The following DGKI variants were observed in gnomAD, a reference collection of about 807,000 sequenced individuals.
DGKI encodes the protein diacylglycerol kinase iota.
In DGKI, 55 loss-of-function variants were observed where a neutral mutation model predicts 147.5. That is an observed-to-expected ratio of 0.37 (90% confidence interval 0.30 to 0.47). DGKI has a LOEUF of 0.47. DGKI is among the 20% of genes least tolerant of loss of function. The pLI is 1.00. For missense variants in DGKI, 1,007 were observed against 1,323.8 expected (o/e 0.76, Z 3.71); for synonymous variants, 469 against 477.1 (o/e 0.98, Z 0.22).
chr7:137,782,416 C>G (rs1796546369), intron 1 of DGKI, among the ~76,000 whole-genome samples: 1 of 152,092 alleles, frequency 6.6e-6, no homozygotes, highest in Non-Finnish European at 1.5e-5. Flanking sequence ...GGAACCACAC[C>G]CCCATCCCCC....
chr7:137,616,674 A>G (rs1160761545), intron 8 of DGKI, among the ~76,000 whole-genome samples: 1 of 152,170 alleles, frequency 6.6e-6, no homozygotes, highest in African/African-American at 2.4e-5. Context: ...TAGGAAGAAG[A>G]ATGATGACAA....
chr7:137,686,608 A>G (rs955631972), intron 2 of DGKI, among the ~76,000 whole-genome samples: 33 of 152,328 alleles, frequency 2.2e-4, no homozygotes, highest in Admixed American at 2.0e-3. Flanking sequence ...ATATATCACA[A>G]ACAAGGAAAT....
At chr7:137,640,015 T>C (rs991448598) in intron 6 of DGKI, among the ~76,000 whole-genome samples, 2 of 152,010 alleles carry the variant, frequency 1.3e-5, no homozygotes, top group Non-Finnish European at 2.9e-5. Context: ...GGTTTTTTTT[T>C]TTTTGGTGGT....
chr7:137,809,869 A>C (rs1797505733), intron 1 of DGKI, among the ~76,000 whole-genome samples: 1 of 151,832 alleles, frequency 6.6e-6, no homozygotes. Flanking sequence ...GCACCACTGC[A>C]CTCTAGCCTG....
At chr7:137,661,682 G>A (rs1822439680) in intron 3 of DGKI, among the ~76,000 whole-genome samples, 1 of 152,088 alleles carries the variant, frequency 6.6e-6, no homozygotes, top group Admixed American at 6.5e-5. Flanking sequence ...TGCAAGAGAG[G>A]CCAGGAGAGT....
chr7:137,737,208 A>G (rs1400002794), intron 1 of DGKI, among the ~76,000 whole-genome samples: 1 of 140,760 alleles, frequency 7.1e-6, no homozygotes. Flanking sequence ...TTTCACCAAA[A>G]AAAAAAAAAA....
At chr7:137,512,281 T>C (rs892306569) in intron 21 of DGKI, among the ~76,000 whole-genome samples, 3 of 152,214 alleles carry the variant, frequency 2.0e-5, no homozygotes, top group African/African-American at 4.8e-5. Flanking sequence ...TAATGATGCA[T>C]GTGGCCAGTG....
chr7:137,546,826 C>T (rs1817883782), intron 20 of DGKI, among the ~76,000 whole-genome samples: 1 of 152,164 alleles, frequency 6.6e-6, no homozygotes, highest in Admixed American at 6.5e-5. Flanking sequence ...GCAAAGTCAC[C>T]CATGAGGTAA....
chr7:137,477,075 C>A (rs1416615696), intron 23 of DGKI, among the ~76,000 whole-genome samples: 1 of 152,170 alleles, frequency 6.6e-6, no homozygotes, highest in Non-Finnish European at 1.5e-5. Flanking sequence ...AGATGTCAAA[C>A]TAAGCTTCCT....
chr7:137,609,616 GGAGA>G lies in DGKI; in HGVS notation c.994-11_994-8del, dbSNP rs766572041. ...TTGAAGCCTTCAGGGAGTTCTGTAG[GGAGA>G]GAGAGAAATGCCTGAGCTCAGAGGC... On this transcript the variant is annotated splice_region_variant and splice_polypyrimidine_tract_variant and intron_variant, in intron 8 of 32. Transcript: ENST00000614521. The G allele has an allele frequency of 3.1e-6, 5 of 1,610,736 alleles. No individual in the cohort carries two copies. The highest frequency in any genetic ancestry group is 4.2e-6 in the Non-Finnish European group (5 of 1,177,700).
intron 21 of DGKI, among the ~76,000 whole-genome samples, chr7:137,504,720 C>T (rs1181270735): frequency 1.3e-5 from 2 of 152,022 alleles, no homozygotes; most frequent in Non-Finnish European, 2.9e-5. Context: ...TCAACCTATG[C>T]ATAGTATTAA....
chr7:137,817,175 C>G (rs544234179), intron 1 of DGKI, among the ~76,000 whole-genome samples: 21 of 152,292 alleles, frequency 1.4e-4, no homozygotes, highest in African/African-American at 5.1e-4. Flanking sequence ...ACCTCTTGAC[C>G]TTTGTAGAAG....
At chr7:137,591,174 A>AC (rs1819596005) in intron 12 of DGKI, among the ~76,000 whole-genome samples, 1 of 152,228 alleles carries the variant, frequency 6.6e-6, no homozygotes, top group African/African-American at 2.4e-5. Flanking sequence ...GCAGAAAAGG[A>AC]CAAGTACACA....
At chr7:137,467,027 C>A in intron 24 of DGKI, 85 bp from the exon 25 acceptor site, 2 of 1,332,152 alleles carry the variant, frequency 1.5e-6, no homozygotes, top group South Asian at 2.4e-5. Flanking sequence ...CTATGCTGGT[C>A]AAAACCCCTA....
At chr7:137,534,214 G>T (rs765247136) in intron 20 of DGKI, among the ~76,000 whole-genome samples, 16 of 152,058 alleles carry the variant, frequency 1.1e-4, no homozygotes, top group Non-Finnish European at 2.4e-4. Context: ...TATGTCAGAG[G>T]ATAATGTCAG....
intron 28 of DGKI, among the ~76,000 whole-genome samples, chr7:137,416,591 T>C (rs1267913839): frequency 3.9e-5 from 6 of 152,130 alleles, no homozygotes; most frequent in African/African-American, 1.2e-4. Flanking sequence ...CTCCTGGTGA[T>C]GAGAAGCTAT....
In DGKI at chr7:137,466,174, A is replaced by C. The variant is rs999541404; in HGVS notation, c.2485-139T>G. ...CTTGATCAGTTGGTGATCCTCCCCA[A>C]AGCTGCGCTAACGCAGACAGTGGGA... On this transcript the variant is annotated intron_variant, in intron 25 of 32. Coordinates refer to ENST00000614521, the MANE Select transcript of DGKI (RefSeq NM_001321708.2). 1.7e-5 allele frequency: 17 copies of C among 1,020,516 alleles called. No individual in the cohort carries two copies. The African/African-American group carries it at 2.4e-4, about 15-fold the overall frequency. The allele number at this position is 1,020,516 out of a possible 1,614,324, so 63.2% of individuals were successfully genotyped here. A position where few individuals can be genotyped will look rare whatever the true frequency, so the allele number is the denominator to read the frequency against.
chr7:137,625,661 G>A lies in DGKI; in HGVS notation c.805-2107C>T, dbSNP rs1044340995. 2.6e-5 allele frequency among the ~76,000 whole-genome samples: 4 copies of A among 151,196 alleles called. No individual in the cohort carries two copies. The South Asian group carries it at 8.3e-4, about 31-fold the overall frequency. On this transcript the variant is annotated intron_variant, in intron 6 of 32. Transcript: ENST00000614521. ...GCCTGTAATTCCAGGACTTTGGGAT[G>A]CTGAGGTAGGCAGATTGCTTGAGCC...
intron 1 of DGKI, among the ~76,000 whole-genome samples, chr7:137,752,924 G>A (rs1795551684): frequency 6.6e-6 from 1 of 152,058 alleles, no homozygotes; most frequent in African/African-American, 2.4e-5. Context: ...CGGGTATTTT[G>A]CACCTGTTTT....
Sources: allele counts gnomAD v4.1 joint callset (sites outside exome capture counted in the v4.1 genomes callset), GRCh38; gene constraint gnomAD v4.1.1; transcripts MANE v1.5; gene names NCBI Gene and HGNC (gene_info 2026-07-23, HGNC 2026-07-21).